Variants in FHIT observed in about 807,000 individuals in gnomAD.
The protein encoded by FHIT is fragile histidine triad diadenosine triphosphatase, also known as bis(5'-adenosyl)-triphosphatase.
Under a neutral mutation model 17.9 loss-of-function variants are expected in FHIT, and 19 were observed. The ratio of observed to expected loss-of-function variants is 1.06; its 90% CI spans 0.74 to 1.56. The LOEUF (loss-of-function observed/expected upper bound fraction) is 1.56. Ranked by LOEUF, FHIT falls within the 40% of genes most tolerant of loss-of-function variation. FHIT has a pLI of 0.00. For missense variants in FHIT, 248 were observed against 189.2 expected (o/e 1.31, Z -1.82); for synonymous variants, 81 against 69.7 (o/e 1.16, Z -0.81).
chr3:60,173,277 C>T (rs1357794246), intron 5 of FHIT, among the ~76,000 whole-genome samples: 1 of 152,184 alleles, frequency 6.6e-6, no homozygotes, highest in Non-Finnish European at 1.5e-5. Flanking sequence ...CCATCAGGCA[C>T]ACCTGGGAAG....
At chr3:59,903,766 C>T (rs1455685374) in intron 8 of FHIT, among the ~76,000 whole-genome samples, 1 of 152,014 alleles carries the variant, frequency 6.6e-6, no homozygotes, top group African/African-American at 2.4e-5. Context: ...AATTTGGTTC[C>T]CTGTGAGAGC....
chr3:60,471,099 A>C (rs561463824), intron 5 of FHIT, among the ~76,000 whole-genome samples: 48 of 152,270 alleles, frequency 3.2e-4, no homozygotes, highest in Middle Eastern at 3.4e-3. Flanking sequence ...GTTGCAAAAC[A>C]ATATCCTCTT....
At chr3:61,039,921 T>G (rs187507711) in intron 3 of FHIT, among the ~76,000 whole-genome samples, 3 of 152,258 alleles carry the variant, frequency 2.0e-5, no homozygotes, top group Admixed American at 2.0e-4. Context: ...AACAGAATAT[T>G]ATTACTAACT....
chr3:59,928,071 C>G (rs1055398446), intron 7 of FHIT, among the ~76,000 whole-genome samples: 1 of 152,206 alleles, frequency 6.6e-6, no homozygotes, highest in Admixed American at 6.5e-5. Context: ...AAGAGCTACC[C>G]TGCTCCACAG....
At chr3:60,637,310 T>A (rs1020871605) in intron 4 of FHIT, among the ~76,000 whole-genome samples, 3 of 152,146 alleles carry the variant, frequency 2.0e-5, no homozygotes, top group Admixed American at 2.0e-4. Flanking sequence ...TGCTTTTTGA[T>A]CAAAAATAAT....
chr3:59,817,562 T>TAAAAAAAAAAAAAAAAAA (rs10691937), intron 8 of FHIT, among the ~76,000 whole-genome samples: 1 of 93,924 alleles, frequency 1.1e-5, no homozygotes, highest in African/African-American at 4.7e-5. Context: ...CACCCGTCAC[T>TAAAAAAAAAAAAAAAAAA]AAAAAAAAAA....
chr3:60,149,618 C>G (rs529429474), intron 5 of FHIT, among the ~76,000 whole-genome samples: 1 of 152,118 alleles, frequency 6.6e-6, no homozygotes, highest in East Asian at 1.9e-4. Flanking sequence ...ATCTGTTGCC[C>G]CATAGCCCCT....
At chr3:59,813,382 C>T (rs1017167862) in intron 8 of FHIT, among the ~76,000 whole-genome samples, 3 of 152,128 alleles carry the variant, frequency 2.0e-5, no homozygotes, top group Admixed American at 6.5e-5. Context: ...CGCCTGAGGA[C>T]GTACCCTCGC....
intron 5 of FHIT, among the ~76,000 whole-genome samples, chr3:60,181,406 A>G (rs1184226431): frequency 6.6e-6 from 1 of 152,130 alleles, no homozygotes; most frequent in Non-Finnish European, 1.5e-5. Flanking sequence ...TCGGCCTCCC[A>G]AAGTGCTGGG....
At chr3:60,222,618 G>T (rs36105967) in intron 5 of FHIT, among the ~76,000 whole-genome samples, 47 of 152,008 alleles carry the variant, frequency 3.1e-4, no homozygotes, top group Non-Finnish European at 5.6e-4. Flanking sequence ...ATGAAACCCC[G>T]TCTCTACTAA....
At chr3:61,142,853 A>G (rs2037124726) in intron 2 of FHIT, among the ~76,000 whole-genome samples, 1 of 152,138 alleles carries the variant, frequency 6.6e-6, no homozygotes, top group African/African-American at 2.4e-5. Context: ...TCTGACACAT[A>G]GAAAGAAAGA....
chr3:60,090,097 T>A (rs1195115808), intron 5 of FHIT, among the ~76,000 whole-genome samples: 1 of 152,056 alleles, frequency 6.6e-6, no homozygotes, highest in Non-Finnish European at 1.5e-5. Context: ...CAAGACTGCA[T>A]CTATCAAAAT....
intron 5 of FHIT, among the ~76,000 whole-genome samples, chr3:60,326,850 A>C (rs1021298487): frequency 1.3e-5 from 2 of 152,230 alleles, no homozygotes; most frequent in Admixed American, 6.5e-5. Flanking sequence ...GCTTTCTGGA[A>C]GAAGAATTTC....
intron 5 of FHIT, among the ~76,000 whole-genome samples, chr3:60,398,326 A>G (rs754949450): frequency 6.6e-6 from 1 of 152,178 alleles, no homozygotes; most frequent in African/African-American, 2.4e-5. Flanking sequence ...TTTGAGGTAT[A>G]ATGCTAGAAA....
chr3:61,043,250 A>C (rs1202814625), intron 2 of FHIT, among the ~76,000 whole-genome samples: 2 of 152,068 alleles, frequency 1.3e-5, no homozygotes, highest in Non-Finnish European at 2.9e-5. Context: ...TAACAACCCC[A>C]CCCTAATACA....
At chr3:60,820,266 C>CGTG (rs1701881007) in intron 4 of FHIT, among the ~76,000 whole-genome samples, 1 of 152,124 alleles carries the variant, frequency 6.6e-6, no homozygotes, top group African/African-American at 2.4e-5. Context: ...TGAGATCACA[C>CGTG]CATTGTACTC....
At chr3:61,215,353 CT>C (rs2039638714) in intron 1 of FHIT, among the ~76,000 whole-genome samples, 1 of 152,054 alleles carries the variant, frequency 6.6e-6, no homozygotes, top group Non-Finnish European at 1.5e-5. Flanking sequence ...CACAAGCATT[CT>C]TATACACCAA....
At chr3:61,152,543 T>C (rs1490589060) in intron 2 of FHIT, among the ~76,000 whole-genome samples, 1 of 152,168 alleles carries the variant, frequency 6.6e-6, no homozygotes, top group Non-Finnish European at 1.5e-5. Flanking sequence ...GGTAAATACA[T>C]GGCTTCTGAA....
Position 60,131,071 on chromosome 3 carries a change from GTA to G in FHIT, c.104-116921_104-116920del, listed in dbSNP as rs369311830. Among the ~76,000 whole-genome samples, 88 of 41,984 alleles carry G rather than the reference GTA, an allele frequency of 2.1e-3. 6 individuals carry two copies. The highest frequency in any genetic ancestry group is 0.013 in the African/African-American group (84 of 6,704). 27.5% of individuals were successfully genotyped at this position (41,984 alleles called of 152,430 possible). A position where few individuals can be genotyped will look rare whatever the true frequency, so the allele number is the denominator to read the frequency against. On this transcript the variant is annotated intron_variant, in intron 5 of 9. Coordinates refer to ENST00000492590, the MANE Select transcript of FHIT (RefSeq NM_002012.4). ...CATATATACATACATACACATGTAT[GTA>G]TGTATACACATATATACACATATAT...
Sources: allele counts gnomAD v4.1 joint callset (sites outside exome capture counted in the v4.1 genomes callset), GRCh38; gene constraint gnomAD v4.1.1; transcripts MANE v1.5; gene names NCBI Gene and HGNC (gene_info 2026-07-23, HGNC 2026-07-21).